The following ABL1 variants were observed in gnomAD, a reference collection of about 807,000 sequenced individuals.
ABL1 encodes tyrosine-protein kinase ABL1.
ABL1 carries 11 observed loss-of-function variants against 94.7 expected under a neutral mutation model. The ratio of observed to expected loss-of-function variants is 0.12; its 90% CI spans 0.07 to 0.19. The LOEUF (loss-of-function observed/expected upper bound fraction) is 0.19, where lower values mean the gene tolerates loss of function less well. Among genes scored for constraint, ABL1 ranks in the 10% least tolerant of loss-of-function variants. The pLI is 1.00. For missense variants in ABL1, 1,082 were observed against 1,489.4 expected (o/e 0.73, Z 4.50); for synonymous variants, 656 against 622.4 (o/e 1.05, Z -0.80).
chr9:130,751,128 G>GTTTT (rs1831959783), intron 1 of ABL1, among the ~76,000 whole-genome samples: 2 of 74,894 alleles, frequency 2.7e-5, no homozygotes, highest in Admixed American at 1.5e-4. Context: ...TTTTTATTCA[G>GTTTT]CTTTTTTTTT....
intron 1 of ABL1, among the ~76,000 whole-genome samples, chr9:130,765,744 C>T (rs1261625939): frequency 2.0e-5 from 3 of 152,176 alleles, no homozygotes; most frequent in Non-Finnish European, 4.4e-5. Context: ...TTAGGCCCCC[C>T]AGTTCCCTTT....
intron 1 of ABL1, among the ~76,000 whole-genome samples, chr9:130,752,401 A>G (rs1034897883): frequency 6.6e-6 from 1 of 152,180 alleles, no homozygotes; most frequent in Admixed American, 6.5e-5. Flanking sequence ...CCAAATATCT[A>G]TAATATCTTT....
intron 1 of ABL1, among the ~76,000 whole-genome samples, chr9:130,768,360 A>T (rs1163431488): frequency 6.6e-6 from 1 of 152,234 alleles, no homozygotes; most frequent in African/African-American, 2.4e-5. Flanking sequence ...AGCGTATGGA[A>T]GACTGTCACT....
chr9:130,721,565 C>T (rs1031447520), intron 1 of ABL1, among the ~76,000 whole-genome samples: 2 of 152,008 alleles, frequency 1.3e-5, no homozygotes, highest in African/African-American at 2.4e-5. Context: ...AAAAAATTAG[C>T]TGGGCGTGGT....
At chr9:130,849,617 C>G (rs1830826177) in intron 1 of ABL1, among the ~76,000 whole-genome samples, 1 of 152,130 alleles carries the variant, frequency 6.6e-6, no homozygotes. Context: ...CTCCCAGGTT[C>G]AGGTGATTCT....
At chr9:130,848,782 C>T (rs1037178525) in intron 1 of ABL1, among the ~76,000 whole-genome samples, 3 of 150,872 alleles carry the variant, frequency 2.0e-5, no homozygotes, top group Admixed American at 6.6e-5. Flanking sequence ...ACTAAAAATA[C>T]AAAAAAAGTA....
chr9:130,781,110 A>G (rs1245892961), intron 1 of ABL1, among the ~76,000 whole-genome samples: 2 of 152,268 alleles, frequency 1.3e-5, no homozygotes, highest in African/African-American at 4.8e-5. Context: ...AATGGCCCCA[A>G]ACAGAAACTT....
intron 1 of ABL1, among the ~76,000 whole-genome samples, chr9:130,736,474 A>G (rs1367105499): frequency 2.0e-5 from 3 of 152,034 alleles, no homozygotes; most frequent in Non-Finnish European, 4.4e-5. Flanking sequence ...TCTGTGAGTG[A>G]GGTTGAACAT....
intron 1 of ABL1, among the ~76,000 whole-genome samples, chr9:130,750,644 C>CTTTTTTTTTTTTTTTTTTTTTTTT (rs71389345): frequency 3.4e-5 from 3 of 87,284 alleles, no homozygotes; most frequent in Non-Finnish European, 4.2e-5. Context: ...CTTTTTCTTT[C>CTTTTTTTTTTTTTTTTTTTTTTTT]TTTTTTTTTT....
chr9:130,856,426 C>T (rs1326752117), intron 3 of ABL1, among the ~76,000 whole-genome samples: 1 of 152,116 alleles, frequency 6.6e-6, no homozygotes, highest in African/African-American at 2.4e-5. Flanking sequence ...CTCGCCATGT[C>T]GCCCAGGCTA....
At chr9:130,799,547 A>T (rs1461545130) in intron 1 of ABL1, among the ~76,000 whole-genome samples, 1 of 152,182 alleles carries the variant, frequency 6.6e-6, no homozygotes, top group African/African-American at 2.4e-5. Flanking sequence ...CTATGGCCTC[A>T]ATTTCATCTT....
intron 1 of ABL1, among the ~76,000 whole-genome samples, chr9:130,783,250 T>C (rs1439381924): frequency 1.3e-5 from 2 of 152,190 alleles, no homozygotes; most frequent in Non-Finnish European, 2.9e-5. Flanking sequence ...AACTCTCGTG[T>C]GGAATATTAA....
intron 4 of ABL1, among the ~76,000 whole-genome samples, chr9:130,866,339 C>T (rs1280303625): frequency 6.6e-6 from 1 of 152,060 alleles, no homozygotes. Flanking sequence ...CACAGTTATG[C>T]CTTTTAAAAA....
intron 1 of ABL1, among the ~76,000 whole-genome samples, chr9:130,845,273 G>C (rs1335592936): frequency 6.6e-6 from 1 of 151,864 alleles, no homozygotes; most frequent in Non-Finnish European, 1.5e-5. Context: ...CAATGTCTTA[G>C]CCAGACAATT....
chr9:130,841,947 A>AGAGAGAGG (rs1554767720), intron 1 of ABL1, among the ~76,000 whole-genome samples: 2 of 148,302 alleles, frequency 1.3e-5, no homozygotes, highest in African/African-American at 5.0e-5. Context: ...AGAGAGAGAG[A>AGAGAGAGG]GAGGGAGGGA....
At chr9:130,831,868 A>T (rs755992944), upstream of ABL1, among the ~76,000 whole-genome samples, 3 of 152,114 alleles carry the variant, frequency 2.0e-5, no homozygotes, top group Admixed American at 2.0e-4. Context: ...TTAGCCTCCC[A>T]AAGTGCTGGG....
chr9:130,728,385 T>A (rs12236450), intron 1 of ABL1, among the ~76,000 whole-genome samples: 2 of 144,102 alleles, frequency 1.4e-5, no homozygotes. Context: ...TTTTTTTTTC[T>A]TTTCTTTCCT....
intron 1 of ABL1, among the ~76,000 whole-genome samples, chr9:130,848,135 C>G (rs981233098): frequency 2.0e-5 from 3 of 152,144 alleles, no homozygotes; most frequent in Non-Finnish European, 4.4e-5. Flanking sequence ...GGGAGGCACT[C>G]AAGTGCCTTT....
rs1222347676 is a variant in ABL1, at chr9:130,886,789, TGAGA to T, written c.*1111_*1114del. 1.3e-5 allele frequency: 3 copies of T among 233,112 alleles called. No homozygotes were observed. Among genetic ancestry groups the T allele is most frequent in the Non-Finnish European group, 2.5e-5 (3 of 117,800 alleles). The allele number at this position is 233,112 out of a possible 1,614,324, so 14.4% of individuals were successfully genotyped here. A position where few individuals can be genotyped will look rare whatever the true frequency, so the allele number is the denominator to read the frequency against. ...AAGCCCTGCCTCTGTGTAGCCGCCCTGAGAGAGAATAGAGCTGCCACTGGGCACC... is the reference window on the plus strand; with the variant it reads ...AAGCCCTGCCTCTGTGTAGCCGCCCTGAGAATAGAGCTGCCACTGGGCACC... On this transcript the variant is annotated 3_prime_UTR_variant, in exon 11 of 11. Coordinates refer to ENST00000318560, the MANE Select transcript of ABL1 (RefSeq NM_005157.6).
Sources: allele counts gnomAD v4.1 joint callset (sites outside exome capture counted in the v4.1 genomes callset), GRCh38; gene constraint gnomAD v4.1.1; transcripts MANE v1.5; gene names NCBI Gene and HGNC (gene_info 2026-07-23, HGNC 2026-07-21).